The following ACTR3B variants were observed in gnomAD, a reference collection of about 807,000 sequenced individuals.
ACTR3B encodes the protein actin related protein 3B, also known as actin-related protein 3B.
ACTR3B carries 8 observed loss-of-function variants against 59.0 expected under a neutral mutation model. The observed-to-expected ratio is 0.14, with a 90% confidence interval of 0.08 to 0.24. The LOEUF (loss-of-function observed/expected upper bound fraction) is 0.24, where lower values mean the gene tolerates loss of function less well. Ranked by LOEUF, ACTR3B falls within the 10% of genes least tolerant of loss-of-function variation. ACTR3B has a pLI of 1.00. For synonymous variants in ACTR3B, 148 were observed against 197.9 expected (o/e 0.75, Z 2.12); for missense variants, 245 against 552.3 (o/e 0.44, Z 5.58).
intron 4 of ACTR3B, among the ~76,000 whole-genome samples, chr7:152,803,588 C>G (rs1263859512): frequency 6.6e-6 from 1 of 152,110 alleles, no homozygotes; most frequent in Non-Finnish European, 1.5e-5. Flanking sequence ...AGAGGGACAT[C>G]TAATCTTAGG....
intron 10 of ACTR3B, among the ~76,000 whole-genome samples, chr7:152,852,831 GC>G (rs1277555665): frequency 6.6e-6 from 1 of 151,690 alleles, no homozygotes; most frequent in Non-Finnish European, 1.5e-5. Context: ...TCTCTCTGTC[GC>G]CCAGGCTGGA....
chr7:152,795,200 A>G (rs1019131630), intron 2 of ACTR3B, among the ~76,000 whole-genome samples: 1 of 152,112 alleles, frequency 6.6e-6, no homozygotes, highest in Non-Finnish European at 1.5e-5. Context: ...ACACCCAGCT[A>G]ATTTTTGTAT....
At chr7:152,771,804 G>A (rs146864166) in intron 1 of ACTR3B, among the ~76,000 whole-genome samples, 1,623 of 152,298 alleles carry the variant, frequency 0.011, 27 homozygotes, top group African/African-American at 0.037. Context: ...GGCCGGGCAC[G>A]GTGGCTCGTG....
In ACTR3B at chr7:152,814,619, G is replaced by T. The variant is rs777551709; in HGVS notation, c.406G>T (p.Val136Leu). 1.3e-5 allele frequency: 21 copies of T among 1,613,660 alleles called. No individual in the cohort carries two copies. The South Asian group carries it at 2.3e-4, about 18-fold the overall frequency. The change falls in exon 5 of 12, where the codon GTA (valine) becomes TTA (leucine). Residue 136 changes from valine (V) to leucine (L), a missense_variant. Transcript: ENST00000256001. Reference sequence around the variant, plus strand: ...AGAAATTATGTTTGAATCATTTAACGTACCAGGACTCTACATTGCAGTTCA... The same window carrying T: ...AGAAATTATGTTTGAATCATTTAACTTACCAGGACTCTACATTGCAGTTCA... ...LAEIMFESFN[V>L]PGLYIAVQAV...
chr7:152,800,851 C>A (rs1453328550), intron 3 of ACTR3B, among the ~76,000 whole-genome samples, 196 bp downstream of exon 3: 3 of 152,214 alleles, frequency 2.0e-5, no homozygotes, highest in African/African-American at 4.8e-5. Context: ...ATTAACAGAT[C>A]CCTGGAATGC....
At chr7:152,852,309 G>A (rs1027223962) in intron 10 of ACTR3B, 58 bp downstream of exon 10, 58 of 1,544,284 alleles carry the variant, frequency 3.8e-5, no homozygotes, top group Non-Finnish European at 4.8e-5. Context: ...CCTGACCGGG[G>A]CCCTCCTGAC....
chr7:152,834,433 T>C (rs1326049875), intron 9 of ACTR3B, among the ~76,000 whole-genome samples: 1 of 152,214 alleles, frequency 6.6e-6, no homozygotes, highest in Admixed American at 6.5e-5. Flanking sequence ...GGATTACAAG[T>C]GTGAGCCACC....
intron 9 of ACTR3B, among the ~76,000 whole-genome samples, chr7:152,851,329 G>A (rs1057421397): frequency 6.6e-6 from 1 of 152,198 alleles, no homozygotes; most frequent in African/African-American, 2.4e-5. Flanking sequence ...ATGATGCAGT[G>A]CCCCATGGTG....
Position 152,825,066 on chromosome 7 carries a change from G to C in ACTR3B, c.895G>C (p.Val299Leu). Residue 299 changes from valine (V) to leucine (L), a missense_variant, in exon 9 of 12, where the codon GTT becomes CTT. This residue lies in a region of ACTR3B where 153 missense variants were observed against 266.2 expected (regional missense o/e 0.57). Transcript: ENST00000256001. ...NPDFMESISDVVDEVIQNCPI... is the reference protein window; with the variant it reads ...NPDFMESISDLVDEVIQNCPI... ...AGACTTTATGGAGTCCATCTCAGAT[G>C]TTGTTGATGAAGTAATACAGAACTG... 6.2e-7 allele frequency: 1 copy of C among 1,613,894 alleles called. No individual in the cohort carries two copies. Among genetic ancestry groups the C allele is most frequent in the South Asian group, 1.1e-5 (1 of 91,050 alleles).
At chr7:152,823,568 A>G in intron 8 of ACTR3B, 53 bp downstream of exon 8, 5 of 1,585,332 alleles carry the variant, frequency 3.2e-6, no homozygotes, top group Non-Finnish European at 4.3e-6. Flanking sequence ...CGATACTGCC[A>G]CCCAGAGTGT....
At position 152,854,343 on chromosome 7, in the gene ACTR3B, C is replaced by T; in HGVS notation, c.1162-115C>T. ...AGAGGTAAAATCTTGCAGCAGCGGT[C>T]CTGGGAGGGAGGGTGGAGGCCGGGA... On this transcript the variant is annotated intron_variant, in intron 11 of 11. Transcript: ENST00000256001. The surrounding 1 kb of genome is among the most constrained non-coding windows in gnomAD (Gnocchi z 4.9). 1 of 875,488 alleles carries T rather than the reference C, an allele frequency of 1.1e-6. No homozygotes were observed. Among genetic ancestry groups the T allele is most frequent in the Non-Finnish European group, 1.9e-6 (1 of 529,062 alleles). 54.2% of individuals were successfully genotyped at this position (875,488 alleles called of 1,614,324 possible).
chr7:152,823,988 C>T (rs768362593), intron 8 of ACTR3B, among the ~76,000 whole-genome samples: 4 of 152,116 alleles, frequency 2.6e-5, no homozygotes, highest in Non-Finnish European at 4.4e-5. Context: ...CTGTCTAAGG[C>T]CAGCATTTCT....
chr7:152,810,730 T>A (rs1164483208), intron 4 of ACTR3B: 1 of 151,980 alleles, frequency 6.6e-6, no homozygotes, highest in African/African-American at 2.4e-5. Context: ...CGTGAAACCC[T>A]GTCTCTACTA....
chr7:152,784,108 G>C (rs1174421384), intron 2 of ACTR3B, among the ~76,000 whole-genome samples: 1 of 151,858 alleles, frequency 6.6e-6, no homozygotes, highest in Non-Finnish European at 1.5e-5. Flanking sequence ...AAAAAAGATA[G>C]GATTCCCTGG....
chr7:152,789,345 T>A (rs1197659930), intron 2 of ACTR3B, among the ~76,000 whole-genome samples: 1 of 149,132 alleles, frequency 6.7e-6, no homozygotes, highest in Non-Finnish European at 1.5e-5. Context: ...TGAGTTGTGA[T>A]TGTGCCACTA....
rs1164677748 is a variant in ACTR3B at position 152,812,019 on chromosome 7, C to CTTTTTTTTTTTTTT, written c.337-2515_337-2502dup. 2.5e-3 allele frequency: 59 copies of CTTTTTTTTTTTTTT among 23,374 alleles called. 12 individuals carry two copies. The highest frequency in any genetic ancestry group is 5.1e-3 in the East Asian group (2 of 390). The allele number at this position is 23,374 out of a possible 1,614,324, so 1.4% of individuals were successfully genotyped here. A position where few individuals can be genotyped will look rare whatever the true frequency, so the allele number is the denominator to read the frequency against. Reference sequence around the variant, plus strand: ...TTCTTAATTCCCAGAAAATAAAAGTCTTTTTTTTTTTTTTTTTTTTTTTTT... The same window carrying CTTTTTTTTTTTTTT: ...TTCTTAATTCCCAGAAAATAAAAGTCTTTTTTTTTTTTTTTTTTTTTTTTTTTTTTTTTTTTTTT... On this transcript the variant is annotated intron_variant, in intron 4 of 11. Transcript: ENST00000256001.
chr7:152,767,189 T>G (rs1488024447), intron 1 of ACTR3B, among the ~76,000 whole-genome samples: 9 of 152,138 alleles, frequency 5.9e-5, no homozygotes, highest in Non-Finnish European at 8.8e-5. Context: ...TGGACCCAGT[T>G]GGATCCACTT....
chr7:152,774,238 G>A (rs2098131212), intron 1 of ACTR3B, among the ~76,000 whole-genome samples: 1 of 152,204 alleles, frequency 6.6e-6, no homozygotes, highest in African/African-American at 2.4e-5. Flanking sequence ...CTGGGTTCAA[G>A]CGATTCTGCT....
At chr7:152,814,704 A>G in intron 5 of ACTR3B, 59 bp downstream of exon 5, 1 of 1,418,132 alleles carries the variant, frequency 7.1e-7, no homozygotes, top group Non-Finnish European at 9.8e-7. Flanking sequence ...AGCGGAAGAA[A>G]TGGTATTTCC....
Sources: gnomAD v4.1 joint callset for allele counts (sites outside exome capture counted in the v4.1 genomes callset) on GRCh38, gnomAD v4.1.1 for gene constraint, gnomAD v4.1.1 regional missense constraint, Gnocchi (gnomAD v3.1) non-coding constraint, MANE v1.5 for transcripts, NCBI Gene and HGNC (gene_info 2026-07-23, HGNC 2026-07-21) for gene names.